Variants in VPS41 observed in about 807,000 individuals in gnomAD.
VPS41 encodes the protein VPS41 subunit of HOPS complex.
Under a neutral mutation model 130.9 loss-of-function variants are expected in VPS41, and 85 were observed. The observed-to-expected ratio is 0.65, with a 90% CI of 0.55 to 0.78. The LOEUF is 0.78. Among genes scored for constraint, VPS41 ranks in the 30% least tolerant of loss-of-function variants. The probability of loss-of-function intolerance (pLI) is 0.00; values close to 1 mark genes in which losing one functional copy is unlikely to be tolerated. For missense variants in VPS41, 874 were observed against 1,018.7 expected, an observed-to-expected ratio of 0.86 and a Z score of 1.93; for synonymous variants, 335 against 332.9, an observed-to-expected ratio of 1.01 and a Z score of -0.07.
intron 3 of VPS41, 114 bp downstream of exon 3, chr7:38,869,032 A>G: frequency 1.3e-6 from 1 of 742,560 alleles, no homozygotes; most frequent in Non-Finnish European, 2.2e-6. Flanking sequence ...GAGCAGTGGC[A>G]AGGAGACAGA....
intron 4 of VPS41, among the ~76,000 whole-genome samples, chr7:38,846,187 T>G (rs1375915118): frequency 6.6e-6 from 1 of 152,202 alleles, no homozygotes; most frequent in Non-Finnish European, 1.5e-5. Flanking sequence ...GTAGAGTCTG[T>G]GACCCCAGTA....
intron 10 of VPS41, among the ~76,000 whole-genome samples, chr7:38,782,131 T>C (rs1784364750): frequency 6.6e-6 from 1 of 152,238 alleles, no homozygotes; most frequent in African/African-American, 2.4e-5. Context: ...TGTCCCTGTC[T>C]CATTCAGGCT....
chr7:38,737,154 T>A (rs1795785690), intron 25 of VPS41, among the ~76,000 whole-genome samples: 1 of 152,280 alleles, frequency 6.6e-6, no homozygotes, highest in Non-Finnish European at 1.5e-5. Context: ...GGCAGGCGGA[T>A]CATGAGGTCA....
intron 19 of VPS41, 79 bp downstream of exon 19, chr7:38,756,759 G>T: frequency 9.3e-7 from 1 of 1,073,342 alleles, no homozygotes; most frequent in Non-Finnish European, 1.3e-6. Flanking sequence ...CACCAATCCA[G>T]CATTTGGATA....
intron 6 of VPS41, among the ~76,000 whole-genome samples, chr7:38,820,575 T>C (rs1424608301): frequency 6.6e-6 from 1 of 152,228 alleles, no homozygotes; most frequent in Non-Finnish European, 1.5e-5. Context: ...CTTAAATATT[T>C]AGTAATTTCT....
chr7:38,728,456 A>C (rs764546749), intron 27 of VPS41, 86 bp downstream of exon 27: 1 of 1,390,302 alleles, frequency 7.2e-7, no homozygotes, highest in Admixed American at 1.7e-5. Context: ...ATAGTTTTAT[A>C]AACGGTAGTT....
At chr7:38,802,442 T>C (rs1156795101) in intron 7 of VPS41, among the ~76,000 whole-genome samples, 1 of 152,218 alleles carries the variant, frequency 6.6e-6, no homozygotes, top group Non-Finnish European at 1.5e-5. Context: ...AAATGCCTGC[T>C]AGTAATTATG....
intron 2 of VPS41, among the ~76,000 whole-genome samples, chr7:38,880,813 T>C (rs547689080): frequency 1.3e-5 from 2 of 152,238 alleles, no homozygotes; most frequent in Non-Finnish European, 2.9e-5. Flanking sequence ...CCTTAAAGCC[T>C]TGACAGCATA....
At chr7:38,844,305 A>C (rs940476314) in intron 4 of VPS41, among the ~76,000 whole-genome samples, 2 of 152,248 alleles carry the variant, frequency 1.3e-5, no homozygotes, top group Non-Finnish European at 2.9e-5. Flanking sequence ...AGTGAATAAT[A>C]TAAAATCATT....
rs926970397 is a variant in VPS41, at chr7:38,725,207, T to TTG, written c.*1038_*1039insCA. ...ACAATAAGGATGTGTTTTGCGCACT[T>TTG]TTACACTCATTAGAGGATGACCATA... On this transcript the variant is annotated 3_prime_UTR_variant, in exon 29 of 29. Transcript: ENST00000310301. 58 of 152,250 alleles carry TTG rather than the reference T, an allele frequency of 3.8e-4. 2 individuals are homozygous for TTG. The highest frequency in any genetic ancestry group is 1.3e-3 in the African/African-American group (55 of 41,552). The allele number at this position is 152,250 out of a possible 1,614,324, so 9.4% of individuals were successfully genotyped here. A position where few individuals can be genotyped will look rare whatever the true frequency, so the allele number is the denominator to read the frequency against.
At chr7:38,765,074 T>C (rs1784010157) in intron 16 of VPS41, among the ~76,000 whole-genome samples, 2 of 152,318 alleles carry the variant, frequency 1.3e-5, no homozygotes, top group South Asian at 2.1e-4. Context: ...AATTTTTAAA[T>C]GTTTAAAACA....
intron 4 of VPS41, among the ~76,000 whole-genome samples, chr7:38,861,657 C>A (rs893419955): frequency 1.3e-5 from 2 of 152,140 alleles, no homozygotes; most frequent in African/African-American, 4.8e-5. Context: ...TAAACTATAT[C>A]AATAGATGGA....
Position 38,885,298 on chromosome 7 carries a change from C to A in VPS41, c.60+12793G>T, listed in dbSNP as rs567700529. On this transcript the variant is annotated intron_variant, in intron 2 of 28. Coordinates refer to ENST00000310301, the MANE Select transcript of VPS41 (RefSeq NM_014396.4). Reference sequence around the variant, plus strand: ...CCGTATTAGCCAGGACGGTCTCGATCTCCCCACCTCATAATCCACTGAGAC... The same window carrying A: ...CCGTATTAGCCAGGACGGTCTCGATATCCCCACCTCATAATCCACTGAGAC... Among the ~76,000 whole-genome samples, 5 of 152,268 alleles carry A rather than the reference C, an allele frequency of 3.3e-5. No individual in the cohort carries two copies. The East Asian group carries it at 5.8e-4, about 18-fold the overall frequency.
chr7:38,729,753 C>T (rs1795620164), intron 25 of VPS41, among the ~76,000 whole-genome samples: 1 of 152,096 alleles, frequency 6.6e-6, no homozygotes, highest in Non-Finnish European at 1.5e-5. Flanking sequence ...CCAAGATCCT[C>T]CCCTGCTTTT....
intron 1 of VPS41, among the ~76,000 whole-genome samples, chr7:38,898,793 G>T (rs924337831): frequency 6.6e-6 from 1 of 152,206 alleles, no homozygotes; most frequent in Non-Finnish European, 1.5e-5. Context: ...CCTGTCCAGT[G>T]AAAGAGAGAA....
At chr7:38,891,679 T>G (rs1047404239) in intron 2 of VPS41, among the ~76,000 whole-genome samples, 1 of 152,254 alleles carries the variant, frequency 6.6e-6, no homozygotes, top group Non-Finnish European at 1.5e-5. Context: ...AAAAGCTTTT[T>G]AAATTATAAA....
intron 2 of VPS41, among the ~76,000 whole-genome samples, chr7:38,892,433 C>A (rs764735618): frequency 1.3e-5 from 2 of 152,128 alleles, no homozygotes; most frequent in Non-Finnish European, 2.9e-5. Flanking sequence ...AAGTGCCCAG[C>A]ACTGTTTTCT....
intron 7 of VPS41, among the ~76,000 whole-genome samples, chr7:38,801,054 G>A (rs4723792): frequency 0.6 from 90,476 of 152,058 alleles, 27,620 homozygotes; most frequent in East Asian, 0.89. Flanking sequence ...GGTGTGCTCC[G>A]AGCTATGGGA....
chr7:38,758,340 T>G lies in VPS41; in HGVS notation c.1550+14A>C. 3.1e-6 allele frequency: 5 copies of G among 1,597,874 alleles called. No homozygotes were observed. The highest frequency in any genetic ancestry group is 4.3e-6 in the Non-Finnish European group (5 of 1,175,138). The stretch of plus-strand genomic sequence containing the variant: ...CAGACTGATATGGAAAAAGAAACAC[T>G]TAAGTATACTCACAATTCTGCCAGG... On this transcript the variant is annotated intron_variant, in intron 18 of 28. Coordinates refer to ENST00000310301, the MANE Select transcript of VPS41 (RefSeq NM_014396.4).
Sources: allele counts gnomAD v4.1 joint callset (sites outside exome capture counted in the v4.1 genomes callset), GRCh38; gene constraint gnomAD v4.1.1; transcripts MANE v1.5; gene names NCBI Gene and HGNC (gene_info 2026-07-23, HGNC 2026-07-21).